Variants in KANK1 observed in about 807,000 individuals in gnomAD.
KANK1 encodes the protein KN motif and ankyrin repeat domains 1, also known as KN motif and ankyrin repeat domain-containing protein 1.
In KANK1, 109 loss-of-function variants were observed where a neutral mutation model predicts 106.2. The ratio of observed to expected loss-of-function variants is 1.03; its 90% CI spans 0.88 to 1.20. KANK1 has a LOEUF of 1.20. Ranked by LOEUF, KANK1 falls within the 50% of genes most tolerant of loss-of-function variation. The pLI, the probability that KANK1 is intolerant of heterozygous loss-of-function variation, is 0.00. For synonymous variants in KANK1, 873 were observed against 652.2 expected, an observed-to-expected ratio of 1.34 and a Z score of -5.16; for missense variants, 2,399 against 1,710.7, an observed-to-expected ratio of 1.40 and a Z score of -7.10.
At chr9:663,200 A>T (rs1843759992) in intron 1 of KANK1, among the ~76,000 whole-genome samples, 1 of 147,174 alleles carries the variant, frequency 6.8e-6, no homozygotes, top group Non-Finnish European at 1.5e-5. Context: ...TAAATAAATG[A>T]ACAGAAAGCC....
intron 2 of KANK1, among the ~76,000 whole-genome samples, chr9:678,720 C>G (rs555562406): frequency 5.9e-5 from 9 of 152,148 alleles, no homozygotes; most frequent in African/African-American, 2.2e-4. Context: ...AGTGAGACTC[C>G]ATATCAAAAA....
At chr9:667,414 T>C (rs1844888460) in intron 1 of KANK1, among the ~76,000 whole-genome samples, 1 of 152,096 alleles carries the variant, frequency 6.6e-6, no homozygotes, top group Non-Finnish European at 1.5e-5. Context: ...CATTTATTTT[T>C]GCTCTGATCT....
At chr9:700,963 C>G (rs2130240560) in intron 2 of KANK1, among the ~76,000 whole-genome samples, 1 of 152,148 alleles carries the variant, frequency 6.6e-6, no homozygotes, top group African/African-American at 2.4e-5. Context: ...ATTATTTCAC[C>G]CCAGTGCTTT....
intron 1 of KANK1, among the ~76,000 whole-genome samples, chr9:669,681 TTTATTA>T (rs1429188388): frequency 6.6e-6 from 1 of 152,142 alleles, no homozygotes; most frequent in African/African-American, 2.4e-5. Flanking sequence ...CTTTGAGAGT[TTTATTA>T]TTATATGCCT....
At position 536,718 on chromosome 9, in the gene KANK1, C is replaced by G. The variant is rs188812115; in HGVS notation, c.-84+31964C>G. Among the ~76,000 whole-genome samples, 457 of 152,292 alleles carry G rather than the reference C, an allele frequency of 3.0e-3. 4 individuals are homozygous for G. Among genetic ancestry groups the G allele is most frequent in the South Asian group, 0.011 (54 of 4,818 alleles). ...ATCTCTCCATCCCAAAGTCCTTAAT[C>G]TTAATGCCGTCTGCACAATGACTTT... On this transcript the variant is annotated intron_variant, in intron 1 of 11. Transcript: ENST00000382297.
chr9:663,906 C>T (rs532053826), intron 1 of KANK1, among the ~76,000 whole-genome samples: 17 of 152,192 alleles, frequency 1.1e-4, no homozygotes, highest in African/African-American at 3.6e-4. Flanking sequence ...CACACTCATG[C>T]CCACTTTGGG....
intron 2 of KANK1, among the ~76,000 whole-genome samples, chr9:703,699 AT>A (rs879902985): frequency 1.6e-4 from 24 of 148,500 alleles, no homozygotes; most frequent in African/African-American, 3.0e-4. Flanking sequence ...ACCCAGGTAG[AT>A]TTTTTTTTTT....
chr9:636,553 A>G (rs555420212), intron 1 of KANK1, among the ~76,000 whole-genome samples: 1 of 152,308 alleles, frequency 6.6e-6, no homozygotes, highest in Non-Finnish European at 1.5e-5. Flanking sequence ...CTTGCTGGGC[A>G]TTCTGTCCTG....
intron 1 of KANK1, among the ~76,000 whole-genome samples, chr9:525,830 C>T (rs1050102575): frequency 1.3e-5 from 2 of 151,418 alleles, no homozygotes; most frequent in African/African-American, 4.9e-5. Context: ...TCCATTAGAA[C>T]TGGAATTGGG....
chr9:526,072 G>A (rs1378880039), intron 1 of KANK1, among the ~76,000 whole-genome samples: 2 of 150,474 alleles, frequency 1.3e-5, no homozygotes, highest in Non-Finnish European at 3.0e-5. Context: ...GGAGAATGGG[G>A]CCTTTCTTGG....
intron 1 of KANK1, among the ~76,000 whole-genome samples, chr9:534,481 T>A (rs1398386521): frequency 6.6e-6 from 1 of 152,194 alleles, no homozygotes; most frequent in Non-Finnish European, 1.5e-5. Context: ...AAAATGCCGC[T>A]CTTAAGCAAA....
intron 1 of KANK1, among the ~76,000 whole-genome samples, chr9:564,961 A>G (rs1817453930): frequency 6.6e-6 from 1 of 152,226 alleles, no homozygotes; most frequent in African/African-American, 2.4e-5. Flanking sequence ...TCAGGTAACA[A>G]AGAGTGTGTG....
intron 1 of KANK1, among the ~76,000 whole-genome samples, chr9:660,729 T>C (rs996002229): frequency 7.2e-5 from 11 of 152,062 alleles, no homozygotes; most frequent in South Asian, 2.1e-4. Context: ...GAGGAGAGGA[T>C]GGGGTAAGGC....
chr9:705,125 C>A (rs1193270615), intron 2 of KANK1, among the ~76,000 whole-genome samples: 1 of 151,942 alleles, frequency 6.6e-6, no homozygotes, highest in African/African-American at 2.4e-5. Context: ...AAGAAATGTC[C>A]TTAACACTAA....
intron 5 of KANK1, 181 bp downstream of exon 5, chr9:731,447 G>A (rs1458266295): frequency 6.1e-6 from 3 of 491,600 alleles, no homozygotes; most frequent in Admixed American, 3.6e-5. Flanking sequence ...CTGTCTTTAA[G>A]GATTTGTCAC....
chr9:660,320 G>C (rs77742908), intron 1 of KANK1: 4,813 of 219,624 alleles, frequency 0.022, 261 homozygotes, highest in African/African-American at 0.1. Flanking sequence ...ATGTTCATGG[G>C]TTTTAACTGC....
chr9:519,025 G>C (rs979202773), intron 1 of KANK1, among the ~76,000 whole-genome samples: 3 of 151,508 alleles, frequency 2.0e-5, no homozygotes, highest in Non-Finnish European at 4.4e-5. Flanking sequence ...CGAGTAGCTG[G>C]GATTACAGGC....
intron 1 of KANK1, among the ~76,000 whole-genome samples, chr9:532,615 A>G (rs1338908020): frequency 6.6e-6 from 1 of 151,992 alleles, no homozygotes; most frequent in East Asian, 1.9e-4. Flanking sequence ...TATAGTTGAT[A>G]CTCAGAAGCT....
At chr9:472,988 C>G (rs927851149) in intron 2 of KANK1, among the ~76,000 whole-genome samples, 4 of 152,224 alleles carry the variant, frequency 2.6e-5, no homozygotes, top group African/African-American at 9.6e-5. Flanking sequence ...AAGTAAAGCT[C>G]ACTAAAGCTC....
Sources: gnomAD v4.1 joint callset for allele counts (sites outside exome capture counted in the v4.1 genomes callset) on GRCh38, gnomAD v4.1.1 for gene constraint, MANE v1.5 for transcripts, NCBI Gene and HGNC (gene_info 2026-07-23, HGNC 2026-07-21) for gene names.